HGS: variants seen among roughly 807,000 people sequenced by gnomAD.
HGS encodes the protein human growth factor-regulated tyrosine kinase substrate.
Under a neutral mutation model 109.7 loss-of-function variants are expected in HGS, and 63 were observed. The ratio of observed to expected loss-of-function variants is 0.57; its 90% CI spans 0.47 to 0.71. HGS has a LOEUF of 0.71. HGS is among the 30% of genes least tolerant of loss of function. The pLI, the probability that HGS is intolerant of heterozygous loss-of-function variation, is 0.00. For synonymous variants in HGS, 546 were observed against 437.3 expected, an observed-to-expected ratio of 1.25 and a Z score of -3.10; for missense variants, 995 against 1,068.3, an observed-to-expected ratio of 0.93 and a Z score of 0.96.
intron 6 of HGS, 118 bp from the exon 7 acceptor site, chr17:81,690,556 T>TCTCG: frequency 9.9e-7 from 1 of 1,014,328 alleles, no homozygotes; most frequent in Non-Finnish European, 1.4e-6. Flanking sequence ...GGGGCATTGC[T>TCTCG]CTCGCTCGTG....
chr17:81,688,909 C>A lies in HGS; in HGVS notation c.415+82C>A, dbSNP rs562511765. 26 of 1,563,784 alleles carry A rather than the reference C, an allele frequency of 1.7e-5. No individual in the cohort carries two copies. In the African/African-American group the frequency reaches 3.1e-4, roughly 19 times the overall value. On this transcript the variant is annotated intron_variant, in intron 5 of 21. Transcript: ENST00000329138. ...GCTCAACGGGCACAGTGGCGAGGGG[C>A]CTGGGAAGATGGGTTGTTCCCTGTG...
intron 15 of HGS, 108 bp downstream of exon 15, chr17:81,696,107 T>A: frequency 9.6e-7 from 1 of 1,044,892 alleles, no homozygotes; most frequent in Non-Finnish European, 1.4e-6. Flanking sequence ...GAGTCCTTCA[T>A]TGGGGCCGTG....
In HGS at chr17:81,696,363, A is replaced by G. The variant is rs1394712011; in HGVS notation, c.1400A>G (p.Tyr467Cys). Reference protein sequence around the residue: ...LNQLDERRLYYEGLQDKLAQI... With the variant: ...LNQLDERRLYCEGLQDKLAQI... ...CTCTGTCATCTGCCCACAGTGTACT[A>G]TGAGGGGCTGCAGGACAAGCTGGCA... The change falls in exon 16 of 22, where the codon TAT (tyrosine) becomes TGT (cysteine). Residue 467 changes from tyrosine to cysteine, a missense_variant. This residue lies in a region of HGS where 163 missense variants were observed against 217.8 expected (regional missense o/e 0.75). Transcript: ENST00000329138. The G allele has an allele frequency of 6.9e-6, 11 of 1,582,932 alleles. No individual in the cohort carries two copies. In the South Asian group the frequency reaches 1.0e-4, roughly 15 times the overall value.
chr17:81,700,020 A>G (rs1470916055), intron 18 of HGS, among the ~76,000 whole-genome samples: 3 of 149,712 alleles, frequency 2.0e-5, no homozygotes, highest in African/African-American at 7.4e-5. Context: ...GGTTGCAGTG[A>G]GCTGAGATCG....
chr17:81,695,085 G>A lies in HGS; in HGVS notation c.1119+18G>A, dbSNP rs760712819. The A allele has an allele frequency of 1.1e-5, 18 of 1,612,066 alleles. No homozygotes were observed. Among genetic ancestry groups the A allele is most frequent in the Middle Eastern group, 1.6e-4 (1 of 6,082 alleles). On this transcript the variant is annotated intron_variant, in intron 13 of 21. Coordinates refer to ENST00000329138, the MANE Select transcript of HGS (RefSeq NM_004712.5). ...TGGTGGAGGTGAGGGGGCCACTCCC[G>A]GCATTCCTAGTGGCAGGGTCCCTTG... is the stretch of plus-strand genomic sequence containing the variant.
chr17:81,687,698 C>T (rs141806921), intron 4 of HGS, among the ~76,000 whole-genome samples: 1 of 152,330 alleles, frequency 6.6e-6, no homozygotes, highest in Non-Finnish European at 1.5e-5. Context: ...GTGATGTGGA[C>T]TGTGATGCAG....
In HGS at chr17:81,691,294, C is replaced by A; in HGVS notation, c.538-153C>A. 1.1e-6 allele frequency: 1 copy of A among 905,650 alleles called. No homozygotes were observed. The highest frequency in any genetic ancestry group is 2.0e-5 in the Admixed American group (1 of 49,150). 56.1% of individuals were successfully genotyped at this position (905,650 alleles called of 1,614,324 possible). A position where few individuals can be genotyped will look rare whatever the true frequency, so the allele number is the denominator to read the frequency against. On this transcript the variant is annotated intron_variant, in intron 7 of 21. Transcript: ENST00000329138. This position sits in a 1 kb window ranked among gnomAD's most constrained non-coding sequence, Gnocchi z 5.3. Reference sequence around the variant, plus strand: ...CCGGGAGCATGTCCAGGTTCCCCGGCCTTAGGGTCTTCCCAGGCACTTGTT... The same window carrying A: ...CCGGGAGCATGTCCAGGTTCCCCGGACTTAGGGTCTTCCCAGGCACTTGTT...
At chr17:81,689,745 G>T (rs984111332) in intron 5 of HGS, among the ~76,000 whole-genome samples, 3 of 152,218 alleles carry the variant, frequency 2.0e-5, no homozygotes, top group Non-Finnish European at 4.4e-5. Context: ...CTCAACTTTG[G>T]GGTGGTGGAT....
Position 81,691,866 on chromosome 17 carries a change from A to T in HGS, c.662+295A>T. 3.3e-6 allele frequency: 1 copy of T among 306,162 alleles called. No homozygotes were observed. Among genetic ancestry groups the T allele is most frequent in the Non-Finnish European group, 6.3e-6 (1 of 159,944 alleles). 19.0% of individuals were successfully genotyped at this position (306,162 alleles called of 1,614,324 possible). Reference sequence around the variant, plus strand: ...TTTGCATTTCAACTTTCGGAATAAAACTTACAGAAAAGTTGCAAGAGTAGC... The same window carrying T: ...TTTGCATTTCAACTTTCGGAATAAATCTTACAGAAAAGTTGCAAGAGTAGC... On this transcript the variant is annotated intron_variant, in intron 8 of 21. Coordinates refer to ENST00000329138, the MANE Select transcript of HGS (RefSeq NM_004712.5). The surrounding 1 kb of genome is among the most constrained non-coding windows in gnomAD (Gnocchi z 5.3).
At chr17:81,699,120 A>G (rs921667916) in intron 18 of HGS, among the ~76,000 whole-genome samples, 3 of 152,252 alleles carry the variant, frequency 2.0e-5, no homozygotes, top group African/African-American at 7.2e-5. Context: ...TTTTAATCCA[A>G]TAGCACAGTT....
chr17:81,686,353 A>T lies in HGS; in HGVS notation c.164A>T (p.Asp55Val). Residue 55 changes from aspartate (D) to valine (V), a missense_variant, in exon 3 of 22, where the codon GAC becomes GTC. Asp to Val is a radical substitution (Grantham distance 152). Coordinates refer to ENST00000329138, the MANE Select transcript of HGS (RefSeq NM_004712.5). The stretch of plus-strand genomic sequence containing the variant: ...AATTCCATCAAGAAGAAAGTCAACG[A>T]CAAGAACCCACACGTCGCCTTGTAT... ...AVNSIKKKVN[D>V]KNPHVALYAL... 6.2e-7 allele frequency: 1 copy of T among 1,613,752 alleles called. No individual in the cohort carries two copies. The highest frequency in any genetic ancestry group is 8.5e-7 in the Non-Finnish European group (1 of 1,179,982).
Position 81,693,648 on chromosome 17 carries a change from C to T in HGS, c.742-6C>T. 6.5e-7 allele frequency: 1 copy of T among 1,545,000 alleles called. No individual in the cohort carries two copies. Among genetic ancestry groups the T allele is most frequent in the Non-Finnish European group, 8.8e-7 (1 of 1,141,286 alleles). Reference sequence around the variant, plus strand: ...GCCCCCCCTCACCCTCCCCGCTTGTCCTCAGCTGCCCCCCAAGAGGGACGA... The same window carrying T: ...GCCCCCCCTCACCCTCCCCGCTTGTTCTCAGCTGCCCCCCAAGAGGGACGA... On this transcript the variant is annotated splice_polypyrimidine_tract_variant and splice_region_variant and intron_variant, in intron 9 of 21. Coordinates refer to ENST00000329138, the MANE Select transcript of HGS (RefSeq NM_004712.5).
chr17:81,697,204 C>G (rs1274108769), intron 18 of HGS: 1 of 573,826 alleles, frequency 1.7e-6, no homozygotes, highest in Non-Finnish European at 3.0e-6. Flanking sequence ...GTGGCAGGTA[C>G]TGCCCTCTCC....
Position 81,696,150 on chromosome 17 carries a change from C to G in HGS, c.1393+151C>G, listed in dbSNP as rs1049765473. 8 of 910,722 alleles carry G rather than the reference C, an allele frequency of 8.8e-6. No individual in the cohort carries two copies. In the African/African-American group the frequency reaches 1.4e-4, roughly 15 times the overall value. 56.4% of individuals were successfully genotyped at this position (910,722 alleles called of 1,614,324 possible). ...CCAGAGAGTGTCAACAGGAGGTGGT[C>G]TCAGTGATGACCATGCCCTGCCCTG... On this transcript the variant is annotated intron_variant, in intron 15 of 21. Coordinates refer to ENST00000329138, the MANE Select transcript of HGS (RefSeq NM_004712.5).
intron 15 of HGS, 46 bp from the exon 16 acceptor site, chr17:81,696,311 G>A (rs764093365): frequency 2.7e-6 from 4 of 1,484,164 alleles, no homozygotes; most frequent in African/African-American, 1.4e-5. Context: ...GGAGCTTCTC[G>A]GCACTGTGCC....
At chr17:81,688,274 G>T (rs1471644456) in intron 4 of HGS, among the ~76,000 whole-genome samples, 2 of 151,526 alleles carry the variant, frequency 1.3e-5, no homozygotes, top group African/African-American at 4.9e-5. Context: ...TTCTGGAGCG[G>T]CTGCCCCCCG....
At chr17:81,700,847 G>A in intron 20 of HGS, 33 bp downstream of exon 20, 1 of 1,596,368 alleles carries the variant, frequency 6.3e-7, no homozygotes, top group South Asian at 1.1e-5. Flanking sequence ...CTGGGGGCCA[G>A]GGTGGGGGAG....
In HGS at chr17:81,684,483, C is replaced by T. The variant is rs578091001; in HGVS notation, c.37+380C>T. ...GTCGGATGTTAGGCTCGCACTTGGG[C>T]TTCTGACCCAAAACACTGGGCCTCG... On this transcript the variant is annotated intron_variant, in intron 1 of 21. Transcript: ENST00000329138. 9.6e-5 allele frequency: 20 copies of T among 209,058 alleles called. 1 individual carries two copies. The South Asian group carries it at 3.5e-3, about 37-fold the overall frequency. The allele number at this position is 209,058 out of a possible 1,614,324, so 13.0% of individuals were successfully genotyped here.
chr17:81,688,636 T>A, intron 4 of HGS, 68 bp from the exon 5 acceptor site: 2 of 1,589,502 alleles, frequency 1.3e-6, no homozygotes, highest in South Asian at 2.3e-5. Flanking sequence ...TGCCAGCTGC[T>A]TCCTCACACC....
Sources: allele counts gnomAD v4.1 joint callset (sites outside exome capture counted in the v4.1 genomes callset), GRCh38; gene constraint gnomAD v4.1.1; regional missense constraint gnomAD v4.1.1; non-coding constraint Gnocchi (gnomAD v3.1); transcripts MANE v1.5; gene names NCBI Gene and HGNC (gene_info 2026-07-23, HGNC 2026-07-21).